Variants in ANXA8 observed in about 807,000 individuals in gnomAD.
ANXA8 encodes annexin A8, also known as VAC-beta.
In ANXA8, 9 loss-of-function variants were observed where a neutral mutation model predicts 26.8. The observed-to-expected ratio is 0.34, with a 90% CI of 0.20 to 0.59. The LOEUF (loss-of-function observed/expected upper bound fraction) is 0.59. Ranked by LOEUF, ANXA8 falls within the 20% of genes least tolerant of loss-of-function variation. The probability of loss-of-function intolerance (pLI) is 0.84; values close to 1 mark genes in which losing one functional copy is unlikely to be tolerated. For synonymous variants in ANXA8, 39 were observed against 94.8 expected, an observed-to-expected ratio of 0.41 and a Z score of 3.42; for missense variants, 83 against 238.5, an observed-to-expected ratio of 0.35 and a Z score of 4.29.
At chr10:47,746,828 A>T in the ANXA8 span, among the ~76,000 whole-genome samples, 1 of 90,364 alleles carries the variant, frequency 1.1e-5, no homozygotes, top group Non-Finnish European at 2.2e-5. Flanking sequence ...GCACACTGAT[A>T]AAAGTAACTG....
At chr10:47,744,068 G>A in the ANXA8 span, among the ~76,000 whole-genome samples, 2 of 148,970 alleles carry the variant, frequency 1.3e-5, no homozygotes, top group South Asian at 2.1e-4. Flanking sequence ...GGGAAGGAGC[G>A]GAGGGGGAAG....
the ANXA8 span, among the ~76,000 whole-genome samples, chr10:47,554,201 T>A: frequency 9.6e-5 from 11 of 114,910 alleles, no homozygotes; most frequent in Admixed American, 1.0e-3. Context: ...GTCCCTGTGG[T>A]CCCAGCTACT....
the ANXA8 span, among the ~76,000 whole-genome samples, chr10:47,941,194 C>T: frequency 2.1e-5 from 3 of 146,200 alleles, no homozygotes; most frequent in South Asian, 2.2e-4. Context: ...AAGCAGACAC[C>T]TGGCAGTATT....
At chr10:47,767,809 A>T in the ANXA8 span, among the ~76,000 whole-genome samples, 1 of 150,714 alleles carries the variant, frequency 6.6e-6, no homozygotes, top group Admixed American at 6.6e-5. Context: ...GAGCAGAAGG[A>T]GCTAAGTCTG....
chr10:47,615,908 G>A, the ANXA8 span, among the ~76,000 whole-genome samples: 1 of 74,104 alleles, frequency 1.3e-5, no homozygotes, highest in Non-Finnish European at 3.5e-5. Context: ...TAAGCATGTC[G>A]GTATGCCCAG....
the ANXA8 span, among the ~76,000 whole-genome samples, chr10:47,530,496 T>A: frequency 7.0e-6 from 1 of 141,854 alleles, no homozygotes; most frequent in Non-Finnish European, 1.5e-5. Flanking sequence ...GAGACCAGCT[T>A]CGCCTACATA....
At chr10:47,762,192 G>C in the ANXA8 span, among the ~76,000 whole-genome samples, 1 of 151,656 alleles carries the variant, frequency 6.6e-6, no homozygotes. Context: ...CACGCGCTTA[G>C]GGGAGTTGGT....
chr10:47,535,688 G>A, the ANXA8 span, among the ~76,000 whole-genome samples: 10 of 108,876 alleles, frequency 9.2e-5, no homozygotes, highest in African/African-American at 1.3e-4. Flanking sequence ...TTTCATACTA[G>A]TCTAGAATAT....
chr10:47,595,538 C>T, the ANXA8 span, among the ~76,000 whole-genome samples: 2 of 149,196 alleles, frequency 1.3e-5, no homozygotes, highest in African/African-American at 5.2e-5. Context: ...TAATGACACT[C>T]ATGGGTTCAA....
the ANXA8 span, among the ~76,000 whole-genome samples, chr10:47,647,400 C>A: frequency 2.7e-5 from 4 of 150,602 alleles, no homozygotes; most frequent in African/African-American, 9.8e-5. Flanking sequence ...TATTATATTT[C>A]TTTTAATGCT....
At chr10:47,618,199 T>C in the ANXA8 span, among the ~76,000 whole-genome samples, 2 of 108,922 alleles carry the variant, frequency 1.8e-5, no homozygotes, top group Non-Finnish European at 4.0e-5. Context: ...GCCCTTGTGT[T>C]TAATGTTCAT....
the ANXA8 span, among the ~76,000 whole-genome samples, chr10:47,632,093 A>G: frequency 6.6e-6 from 1 of 152,264 alleles, no homozygotes; most frequent in Non-Finnish European, 1.5e-5. Context: ...TAGACACAGA[A>G]GTTGAATACT....
chr10:47,952,222 A>G, the ANXA8 span, among the ~76,000 whole-genome samples: 1 of 151,790 alleles, frequency 6.6e-6, no homozygotes, highest in African/African-American at 2.4e-5. Context: ...GTGAGGCAGG[A>G]ATGTCCACTT....
At chr10:47,520,867 A>G in the ANXA8 span, among the ~76,000 whole-genome samples, 11 of 132,458 alleles carry the variant, frequency 8.3e-5, 1 homozygote, top group South Asian at 4.4e-4. Context: ...AAAAAGAAGA[A>G]GAGGTAAATT....
chr10:47,691,130 G>A, the ANXA8 span: 1 of 1,608,820 alleles, frequency 6.2e-7, no homozygotes, highest in African/African-American at 1.3e-5. Flanking sequence ...AACAGTTACA[G>A]TAAGTGATCA....
chr10:47,762,441 C>T, the ANXA8 span, among the ~76,000 whole-genome samples: 2 of 131,224 alleles, frequency 1.5e-5, no homozygotes. Context: ...GGCCGGACCC[C>T]CCACACCTCC....
the ANXA8 span, among the ~76,000 whole-genome samples, chr10:47,660,720 G>A: frequency 1.3e-3 from 190 of 149,796 alleles, no homozygotes; most frequent in East Asian, 0.024. Context: ...ATTTTCTATT[G>A]CATTTGAGGT....
the ANXA8 span, among the ~76,000 whole-genome samples, chr10:47,701,040 C>CCA: frequency 6.6e-6 from 1 of 150,606 alleles, no homozygotes; most frequent in Non-Finnish European, 1.5e-5. Flanking sequence ...TGTATTCATG[C>CCA]CACTGCACTC....
At chr10:47,937,906 C>G in the ANXA8 span, among the ~76,000 whole-genome samples, 10 of 132,528 alleles carry the variant, frequency 7.5e-5, no homozygotes, top group Non-Finnish European at 1.7e-4. Context: ...TGTACCACAT[C>G]TTCTTTATCC....
Sources: gnomAD v4.1 joint callset for allele counts (sites outside exome capture counted in the v4.1 genomes callset) on GRCh38, gnomAD v4.1.1 for gene constraint, MANE v1.5 for transcripts, NCBI Gene and HGNC (gene_info 2026-07-23, HGNC 2026-07-21) for gene names.